PDIA6: variants seen among roughly 807,000 people sequenced by gnomAD.
PDIA6 encodes protein disulfide isomerase family A member 6, also known as protein disulfide-isomerase A6.
In PDIA6, 29 loss-of-function variants were observed where a neutral mutation model predicts 58.4. The observed-to-expected ratio is 0.50, with a 90% CI of 0.37 to 0.68. PDIA6 has a LOEUF of 0.68. PDIA6 is among the 30% of genes least tolerant of loss of function. The pLI, the probability that PDIA6 is intolerant of heterozygous loss-of-function variation, is 0.00. For synonymous variants in PDIA6, 192 were observed against 202.6 expected, an observed-to-expected ratio of 0.95 and a Z score of 0.44; for missense variants, 480 against 551.0, an observed-to-expected ratio of 0.87 and a Z score of 1.29.
upstream of PDIA6, among the ~76,000 whole-genome samples, chr2:10,835,625 C>T (rs917334843): frequency 1.3e-5 from 2 of 152,154 alleles, no homozygotes; most frequent in African/African-American, 4.8e-5. Flanking sequence ...CAGACATCTC[C>T]GACCCACGAG....
At chr2:10,801,465 T>C (rs1464619722) in intron 2 of PDIA6, among the ~76,000 whole-genome samples, 1 of 152,230 alleles carries the variant, frequency 6.6e-6, no homozygotes, top group East Asian at 1.9e-4. Flanking sequence ...TATGATAAGC[T>C]TGTAAAAACC....
chr2:10,791,667 T>G, intron 6 of PDIA6, 128 bp downstream of exon 6: 1 of 811,200 alleles, frequency 1.2e-6, no homozygotes, highest in Non-Finnish European at 1.9e-6. Context: ...AATATTCACT[T>G]AGAGTCAGAG....
upstream of PDIA6, among the ~76,000 whole-genome samples, chr2:10,834,563 A>T (rs1043518430): frequency 2.6e-5 from 4 of 152,030 alleles, no homozygotes; most frequent in Admixed American, 1.3e-4. Flanking sequence ...TGTGGCCTGG[A>T]TGCAGGCCGA....
chr2:10,793,419 T>C (rs1327747176), intron 4 of PDIA6, among the ~76,000 whole-genome samples: 1 of 152,238 alleles, frequency 6.6e-6, no homozygotes, highest in Non-Finnish European at 1.5e-5. Flanking sequence ...TTTTATTTAT[T>C]ATTATTATTT....
rs1379857324 is a variant in PDIA6, at chr2:10,789,868, TG to T, written c.720del (p.Lys241ArgfsTer81). On this transcript the variant is annotated frameshift_variant, in exon 8 of 13. Coordinates refer to ENST00000272227, the MANE Select transcript of PDIA6 (RefSeq NM_005742.4). LOFTEE classifies it high-confidence loss of function. ...SRYGIRGFPTIKIFQKGESPV... is the reference protein window; with the variant it reads ...SRYGIRGFPTXKIFQKGESPV... ...GGAGACTCGCCTTTCTGAAATATCT[TG>T]ATTGTAGGAAATCCTCTAATCTATT... 6.2e-7 allele frequency: 1 copy of T among 1,613,724 alleles called. No individual in the cohort carries two copies. Among genetic ancestry groups the T allele is most frequent in the Admixed American group, 1.7e-5 (1 of 60,002 alleles).
intron 4 of PDIA6, among the ~76,000 whole-genome samples, chr2:10,795,333 CAT>C (rs1666219310): frequency 2.0e-5 from 3 of 152,144 alleles, no homozygotes; most frequent in Non-Finnish European, 2.9e-5. Flanking sequence ...GCACTAAAAA[CAT>C]GTGCATTTTC....
chr2:10,814,047 C>G (rs1446611227), upstream of PDIA6, among the ~76,000 whole-genome samples: 3 of 152,208 alleles, frequency 2.0e-5, no homozygotes, highest in African/African-American at 7.2e-5. Context: ...CTTTCAAGCA[C>G]AAGTTAAGAC....
At chr2:10,819,294 G>T (rs1348814568) in exon 2 of PDIA6, 1 of 1,535,616 alleles carries the variant, frequency 6.5e-7, no homozygotes, top group Non-Finnish European at 8.8e-7. Context: ...AGCCATGGTG[G>T]TTGATGGATA....
At chr2:10,785,589 A>C (rs1665685989) in intron 11 of PDIA6, among the ~76,000 whole-genome samples, 1 of 152,254 alleles carries the variant, frequency 6.6e-6, no homozygotes, top group Non-Finnish European at 1.5e-5. Context: ...ATAGAGCTAG[A>C]CTAACAATCT....
chr2:10,798,570 A>T (rs113281972), intron 2 of PDIA6, among the ~76,000 whole-genome samples: 3 of 63,592 alleles, frequency 4.7e-5, no homozygotes, highest in Admixed American at 4.1e-4. Flanking sequence ...TCTGTCCCCC[A>T]CCCAAAAAAA....
chr2:10,814,392 C>A (rs1667127660), upstream of PDIA6, among the ~76,000 whole-genome samples: 1 of 152,174 alleles, frequency 6.6e-6, no homozygotes, highest in African/African-American at 2.4e-5. Flanking sequence ...CCGGGCAGCT[C>A]CTCCTGAATG....
chr2:10,829,476 CT>C (rs1485413464), intron 1 of PDIA6, among the ~76,000 whole-genome samples: 16 of 152,236 alleles, frequency 1.1e-4, no homozygotes, highest in Non-Finnish European at 4.4e-5. Context: ...AGGGTGTTGA[CT>C]TTTTGCTCTC....
chr2:10,822,509 G>A (rs547059447), intron 1 of PDIA6, among the ~76,000 whole-genome samples: 14 of 152,012 alleles, frequency 9.2e-5, no homozygotes, highest in Admixed American at 2.6e-4. Flanking sequence ...TGATCCACCC[G>A]CCTCAGCCTC....
Position 10,832,395 on chromosome 2 carries a change from C to T in PDIA6, c.-241G>A, listed in dbSNP as rs573789845. The T allele has an allele frequency of 1.4e-5, 14 of 984,594 alleles. No individual in the cohort carries two copies. In the African/African-American group the frequency reaches 2.3e-4, roughly 16 times the overall value. 61.0% of individuals were successfully genotyped at this position (984,594 alleles called of 1,614,324 possible). A position where few individuals can be genotyped will look rare whatever the true frequency, so the allele number is the denominator to read the frequency against. On this transcript the variant is annotated 5_prime_UTR_variant, in exon 1 of 14. Coordinates refer to the PDIA6 transcript ENST00000381611. Reference sequence around the variant, plus strand: ...CAGCTGCAGATATCCTCGCCATCTACGCCTCACAAACACCACCTGGTGGGA... The same window carrying T: ...CAGCTGCAGATATCCTCGCCATCTATGCCTCACAAACACCACCTGGTGGGA...
chr2:10,804,727 A>C (rs1487970877), intron 1 of PDIA6, among the ~76,000 whole-genome samples: 1 of 130,738 alleles, frequency 7.6e-6, no homozygotes, highest in Non-Finnish European at 1.7e-5. Context: ...TGGTAGCTTT[A>C]TGGGGATGGC....
At chr2:10,822,196 G>A (rs1004201033) in intron 1 of PDIA6, among the ~76,000 whole-genome samples, 2 of 152,036 alleles carry the variant, frequency 1.3e-5, no homozygotes, top group Admixed American at 6.5e-5. Flanking sequence ...ACCTCGGCCT[G>A]CTAGAGTGTT....
chr2:10,820,910 G>T, intron 1 of PDIA6: 1 of 702,282 alleles, frequency 1.4e-6, no homozygotes, highest in Non-Finnish European at 2.6e-6. Flanking sequence ...TGCTCTGAGA[G>T]TGAGCGTCCT....
chr2:10,804,001 C>G (rs139489119), intron 1 of PDIA6, among the ~76,000 whole-genome samples: 3 of 149,294 alleles, frequency 2.0e-5, no homozygotes, highest in Admixed American at 6.9e-5. Flanking sequence ...CTCTGCCACC[C>G]GGGTTCACGC....
At chr2:10,789,672 G>C (rs1665942331) in intron 8 of PDIA6, 77 bp downstream of exon 8, 3 of 1,317,564 alleles carry the variant, frequency 2.3e-6, no homozygotes. Flanking sequence ...AAAATGAACA[G>C]TGTGTCACAC....
Sources: allele counts gnomAD v4.1 joint callset (sites outside exome capture counted in the v4.1 genomes callset), GRCh38; gene constraint gnomAD v4.1.1; transcripts MANE v1.5; gene names NCBI Gene and HGNC (gene_info 2026-07-23, HGNC 2026-07-21).